Variants in CABLES1 observed in about 807,000 individuals in gnomAD.
CABLES1 encodes the protein Cdk5 and Abl enzyme substrate 1, also known as CDK5 and ABL1 enzyme substrate 1.
Under a neutral mutation model 57.8 loss-of-function variants are expected in CABLES1, and 36 were observed. The ratio of observed to expected loss-of-function variants is 0.62; its 90% CI spans 0.48 to 0.82. The LOEUF is 0.82. Among genes scored for constraint, CABLES1 ranks in the 40% least tolerant of loss-of-function variants. The pLI is 0.00. For missense variants in CABLES1, 767 were observed against 836.6 expected, an observed-to-expected ratio of 0.92 and a Z score of 1.03; for synonymous variants, 374 against 363.0, an observed-to-expected ratio of 1.03 and a Z score of -0.35.
At chr18:23,192,358 G>A (rs1040479143) in intron 2 of CABLES1, among the ~76,000 whole-genome samples, 4 of 152,234 alleles carry the variant, frequency 2.6e-5, no homozygotes, top group African/African-American at 7.2e-5. Flanking sequence ...TTCCTTTGCT[G>A]GTACAGACAG....
intron 7 of CABLES1, among the ~76,000 whole-genome samples, chr18:23,242,171 A>G (rs1420422443): frequency 1.3e-5 from 2 of 152,116 alleles, no homozygotes; most frequent in East Asian, 1.9e-4. Context: ...CTGGCTACTC[A>G]GGAGGCTGAG....
At chr18:23,237,077 C>A in intron 6 of CABLES1, 65 bp from the exon 7 acceptor site, 1 of 944,640 alleles carries the variant, frequency 1.1e-6, no homozygotes, top group Non-Finnish European at 1.8e-6. Flanking sequence ...ATTCTCCTGG[C>A]TGTCTCTGCT....
At chr18:23,174,027 A>G (rs978793519) in intron 1 of CABLES1, among the ~76,000 whole-genome samples, 2 of 152,216 alleles carry the variant, frequency 1.3e-5, no homozygotes, top group Non-Finnish European at 2.9e-5. Context: ...AAGCTTGTGC[A>G]GTTGTCACCA....
chr18:23,215,403 G>T (rs2047434263), intron 4 of CABLES1, among the ~76,000 whole-genome samples: 1 of 152,162 alleles, frequency 6.6e-6, no homozygotes, highest in Admixed American at 6.6e-5. Flanking sequence ...CTTATTACAA[G>T]TAGTAGCCGA....
chr18:23,207,002 A>G (rs892835455), intron 3 of CABLES1, among the ~76,000 whole-genome samples: 9 of 151,942 alleles, frequency 5.9e-5, no homozygotes, highest in Admixed American at 2.0e-4. Context: ...AGTAGAGACA[A>G]GGTCTCATTA....
Position 23,181,982 on chromosome 18 carries a change from C to A in CABLES1, c.846-6856C>A, listed in dbSNP as rs1157346920. On this transcript the variant is annotated intron_variant, in intron 1 of 9. Coordinates refer to ENST00000256925, the MANE Select transcript of CABLES1 (RefSeq NM_001100619.3). Reference sequence around the variant, plus strand: ...CCAAGACACTCTCACCTCTTCCACACCTGTGAAGAAGCAACTGTGCCATCC... The same window carrying A: ...CCAAGACACTCTCACCTCTTCCACAACTGTGAAGAAGCAACTGTGCCATCC... Among the ~76,000 whole-genome samples, 3 of 152,236 alleles carry A rather than the reference C, an allele frequency of 2.0e-5. No homozygotes were observed. The East Asian group carries it at 5.8e-4, about 29-fold the overall frequency.
Position 23,151,250 on chromosome 18 carries a change from C to G in CABLES1, c.845+14643C>G, listed in dbSNP as rs1372862177. On this transcript the variant is annotated intron_variant, in intron 1 of 9. Transcript: ENST00000256925. ...AGGCAGGATGGTCTCGATCTCTTGA[C>G]CTCATGATCCGCCTGCCTCGGCCTC... Among the ~76,000 whole-genome samples, 4 of 152,008 alleles carry G rather than the reference C, an allele frequency of 2.6e-5. No homozygotes were observed. In the East Asian group the frequency reaches 5.8e-4, roughly 22 times the overall value.
intron 4 of CABLES1, among the ~76,000 whole-genome samples, chr18:23,220,264 T>C (rs1398168334): frequency 6.6e-6 from 1 of 152,132 alleles, no homozygotes; most frequent in Non-Finnish European, 1.5e-5. Context: ...ATGTGATAAA[T>C]AGAGGTAATA....
chr18:23,202,043 GAGGA>G (rs55652834), intron 3 of CABLES1, among the ~76,000 whole-genome samples: 1,868 of 151,886 alleles, frequency 0.012, 40 homozygotes, highest in African/African-American at 0.043. Flanking sequence ...AGGTGATTGA[GAGGA>G]AGGAAGGAAG....
chr18:23,183,878 G>A (rs780057513), intron 1 of CABLES1, among the ~76,000 whole-genome samples: 4 of 152,148 alleles, frequency 2.6e-5, no homozygotes, highest in East Asian at 1.9e-4. Flanking sequence ...AAGATTGGCC[G>A]CCCGCCCTGA....
At chr18:23,181,496 CAAAAAAAAAAAAAAAA>C (rs59742943) in intron 1 of CABLES1, among the ~76,000 whole-genome samples, 38 of 35,410 alleles carry the variant, frequency 1.1e-3, no homozygotes, top group East Asian at 5.0e-3. Flanking sequence ...AGCTTCGTCT[CAAAAAAAAAAAAAAAA>C]AAAAAAAAAA....
At chr18:23,238,242 A>T (rs886320817) in intron 7 of CABLES1, among the ~76,000 whole-genome samples, 1 of 152,168 alleles carries the variant, frequency 6.6e-6, no homozygotes, top group Non-Finnish European at 1.5e-5. Flanking sequence ...CTCAAAGGAA[A>T]CCCAGATCTT....
intron 4 of CABLES1, among the ~76,000 whole-genome samples, chr18:23,225,224 C>T (rs949806982): frequency 6.6e-5 from 10 of 152,206 alleles, no homozygotes; most frequent in African/African-American, 2.2e-4. Flanking sequence ...AGTTCCCAGT[C>T]AGGTTCACAG....
intron 1 of CABLES1, among the ~76,000 whole-genome samples, chr18:23,181,490 T>C: frequency 1.6e-5 from 1 of 60,868 alleles, no homozygotes; most frequent in East Asian, 4.6e-4. Flanking sequence ...GAGCAAAGCT[T>C]CGTCTCAAAA....
intron 1 of CABLES1, among the ~76,000 whole-genome samples, chr18:23,159,102 A>G (rs891955009): frequency 6.6e-6 from 1 of 152,178 alleles, no homozygotes. Flanking sequence ...AGTAGCTGGG[A>G]TTACAGGGGC....
chr18:23,147,563 C>T (rs1454465842), intron 1 of CABLES1, among the ~76,000 whole-genome samples: 4 of 152,306 alleles, frequency 2.6e-5, no homozygotes, highest in East Asian at 3.9e-4. Flanking sequence ...CTGCTCTGAT[C>T]GTGAGGAGCT....
chr18:23,158,954 C>T (rs1238979909), intron 1 of CABLES1, among the ~76,000 whole-genome samples: 1 of 152,058 alleles, frequency 6.6e-6, no homozygotes, highest in African/African-American at 2.4e-5. Context: ...GTCATGTGCC[C>T]CACTGGGTTG....
At chr18:23,234,341 AG>A (rs1168598816) in intron 4 of CABLES1, among the ~76,000 whole-genome samples, 1 of 152,222 alleles carries the variant, frequency 6.6e-6, no homozygotes, top group Admixed American at 6.5e-5. Context: ...TAGGAATATA[AG>A]GGGCCTCATG....
intron 3 of CABLES1, among the ~76,000 whole-genome samples, chr18:23,208,913 T>C (rs1372666510): frequency 1.3e-5 from 2 of 152,218 alleles, no homozygotes; most frequent in Non-Finnish European, 2.9e-5. Flanking sequence ...TTAATGGCCT[T>C]CTTCCCTTCG....
Sources: gnomAD v4.1 joint callset for allele counts (sites outside exome capture counted in the v4.1 genomes callset) on GRCh38, gnomAD v4.1.1 for gene constraint, MANE v1.5 for transcripts, NCBI Gene and HGNC (gene_info 2026-07-23, HGNC 2026-07-21) for gene names.